The following PTPRD variants were observed in gnomAD, a reference collection of about 807,000 sequenced individuals.
PTPRD encodes the protein receptor-type tyrosine-protein phosphatase delta.
PTPRD carries 34 observed loss-of-function variants against 214.5 expected under a neutral mutation model. That is an observed-to-expected ratio of 0.16 (90% CI 0.12 to 0.21). The LOEUF (loss-of-function observed/expected upper bound fraction) is 0.21. PTPRD is among the 10% of genes least tolerant of loss of function. The pLI is 1.00. For missense variants in PTPRD, 2,545 were observed against 2,398.7 expected (o/e 1.06, Z -1.27); for synonymous variants, 1,128 against 845.7 (o/e 1.33, Z -5.79).
At chr9:8,508,623 A>G (rs975044259) in intron 21 of PTPRD, among the ~76,000 whole-genome samples, 1 of 152,244 alleles carries the variant, frequency 6.6e-6, no homozygotes, top group Admixed American at 6.5e-5. Flanking sequence ...GAGTAAAAAA[A>G]CATCTAAAGT....
At chr9:10,597,850 C>T (rs1375403684) in intron 2 of PTPRD, among the ~76,000 whole-genome samples, 1 of 151,812 alleles carries the variant, frequency 6.6e-6, no homozygotes, top group East Asian at 1.9e-4. Flanking sequence ...ATATTAAGAA[C>T]ATAACAGGAC....
At chr9:10,027,099 C>G (rs2096937715) in intron 4 of PTPRD, among the ~76,000 whole-genome samples, 1 of 152,072 alleles carries the variant, frequency 6.6e-6, no homozygotes, top group African/African-American at 2.4e-5. Flanking sequence ...TCACTCTGGC[C>G]ATTGATAGGA....
chr9:9,256,183 C>T (rs1209568869), intron 9 of PTPRD, among the ~76,000 whole-genome samples: 1 of 151,932 alleles, frequency 6.6e-6, no homozygotes, highest in Non-Finnish European at 1.5e-5. Context: ...AAATCCAATT[C>T]CTTTTCTCCT....
At chr9:9,844,935 A>T (rs887731839) in intron 5 of PTPRD, among the ~76,000 whole-genome samples, 8 of 151,186 alleles carry the variant, frequency 5.3e-5, no homozygotes, top group African/African-American at 7.3e-5. Context: ...ACATTGTGTT[A>T]TAACTTGGAC....
intron 17 of PTPRD, 89 bp downstream of exon 17, chr9:8,526,538 G>A (rs1458695160): frequency 1.7e-6 from 2 of 1,167,856 alleles, no homozygotes; most frequent in South Asian, 2.1e-5. Context: ...TTATTGGAAT[G>A]ACGCTGAAAA....
chr9:9,844,246 A>C (rs2058973647), intron 5 of PTPRD, among the ~76,000 whole-genome samples: 1 of 152,068 alleles, frequency 6.6e-6, no homozygotes, highest in South Asian at 2.1e-4. Context: ...TTATACACAC[A>C]CTTTCTGTAA....
At chr9:9,068,091 C>CT (rs568346874) in intron 10 of PTPRD, among the ~76,000 whole-genome samples, 12 of 151,988 alleles carry the variant, frequency 7.9e-5, no homozygotes, top group South Asian at 2.1e-4. Context: ...AATATTTAAC[C>CT]TTTTTTAGAT....
intron 11 of PTPRD, among the ~76,000 whole-genome samples, chr9:8,766,641 C>T (rs2094775277): frequency 6.6e-6 from 1 of 152,160 alleles, no homozygotes; most frequent in Non-Finnish European, 1.5e-5. Flanking sequence ...AAGGACACTT[C>T]TTACAATTTT....
At chr9:9,751,320 C>G (rs576285834) in intron 6 of PTPRD, among the ~76,000 whole-genome samples, 2 of 152,196 alleles carry the variant, frequency 1.3e-5, no homozygotes, top group African/African-American at 4.8e-5. Context: ...TAAGAATTAA[C>G]TCCAACAAGT....
chr9:8,726,270 C>G (rs2098556241), intron 12 of PTPRD, among the ~76,000 whole-genome samples: 1 of 151,662 alleles, frequency 6.6e-6, no homozygotes. Context: ...GATGGGGCTC[C>G]CAACCAAGTC....
chr9:8,664,178 T>C (rs919809273), intron 12 of PTPRD, among the ~76,000 whole-genome samples: 1 of 152,200 alleles, frequency 6.6e-6, no homozygotes, highest in Non-Finnish European at 1.5e-5. Flanking sequence ...TGCAAACGTT[T>C]ACACCTATCA....
intron 3 of PTPRD, among the ~76,000 whole-genome samples, chr9:10,058,000 T>C (rs1411396932): frequency 6.6e-6 from 1 of 152,104 alleles, no homozygotes; most frequent in African/African-American, 2.4e-5. Flanking sequence ...ACACGTAAGA[T>C]GATTGCATTT....
At chr9:10,173,894 A>G (rs2099228529) in intron 3 of PTPRD, among the ~76,000 whole-genome samples, 1 of 152,042 alleles carries the variant, frequency 6.6e-6, no homozygotes, top group Admixed American at 6.6e-5. Flanking sequence ...TTAGATAGCC[A>G]AGGTTTGACT....
intron 3 of PTPRD, among the ~76,000 whole-genome samples, chr9:10,209,150 G>A (rs934687501): frequency 2.6e-5 from 4 of 152,100 alleles, no homozygotes; most frequent in African/African-American, 9.7e-5. Context: ...CATACAATAT[G>A]CCAAGAAGAT....
intron 3 of PTPRD, among the ~76,000 whole-genome samples, chr9:10,116,086 T>G (rs2098728745): frequency 6.6e-6 from 1 of 152,128 alleles, no homozygotes; most frequent in Admixed American, 6.5e-5. Flanking sequence ...TATATCAGGC[T>G]TAACAAGCGG....
chr9:9,803,736 G>A (rs966992865), intron 5 of PTPRD: 5 of 151,792 alleles, frequency 3.3e-5, no homozygotes, highest in South Asian at 4.2e-4. Flanking sequence ...TGGTTTTCCT[G>A]TAAAACTAAT....
intron 9 of PTPRD, among the ~76,000 whole-genome samples, chr9:9,240,042 T>C (rs928832388): frequency 9.2e-5 from 14 of 152,268 alleles, no homozygotes; most frequent in South Asian, 8.3e-4. Flanking sequence ...AAAACATAGA[T>C]TATGCTTAGC....
chr9:8,731,890 G>A (rs377286573), intron 12 of PTPRD, among the ~76,000 whole-genome samples: 1 of 152,238 alleles, frequency 6.6e-6, no homozygotes, highest in Admixed American at 6.5e-5. Context: ...ATTTGGCCAA[G>A]TTGAAGCCTG....
chr9:8,646,324 C>T (rs1334554131), intron 12 of PTPRD, among the ~76,000 whole-genome samples: 1 of 152,118 alleles, frequency 6.6e-6, no homozygotes, highest in Non-Finnish European at 1.5e-5. Flanking sequence ...GTTTTGTTTT[C>T]TAACGCATCT....
Sources: allele counts gnomAD v4.1 joint callset (sites outside exome capture counted in the v4.1 genomes callset), GRCh38; gene constraint gnomAD v4.1.1; transcripts MANE v1.5; gene names NCBI Gene and HGNC (gene_info 2026-07-23, HGNC 2026-07-21).